ITGA8: variants seen among roughly 807,000 people sequenced by gnomAD.
ITGA8 encodes the protein integrin alpha-8.
A neutral mutation model predicts 142.3 loss-of-function variants in ITGA8; 91 were observed. That is an observed-to-expected ratio of 0.64 (90% CI 0.54 to 0.76). The LOEUF (loss-of-function observed/expected upper bound fraction) is 0.76, where lower values mean the gene tolerates loss of function less well. ITGA8 is among the 30% of genes least tolerant of loss of function. The probability of loss-of-function intolerance (pLI) is 0.00; values close to 1 mark genes in which losing one functional copy is unlikely to be tolerated. For synonymous variants in ITGA8, 505 were observed against 485.2 expected (o/e 1.04, Z -0.54); for missense variants, 1,406 against 1,327.7 (o/e 1.06, Z -0.92).
chr10:15,668,322 T>C (rs1834437438), intron 8 of ITGA8, among the ~76,000 whole-genome samples: 1 of 152,018 alleles, frequency 6.6e-6, no homozygotes, highest in Non-Finnish European at 1.5e-5. Context: ...GTCTGTTTTA[T>C]CAGAGACTAG....
At chr10:15,683,264 T>TCCAC (rs1223920401) in intron 4 of ITGA8, among the ~76,000 whole-genome samples, 4 of 111,258 alleles carry the variant, frequency 3.6e-5, no homozygotes, top group Admixed American at 1.2e-4. Context: ...AGTAGATGAA[T>TCCAC]CCACCCATCC....
At chr10:15,655,255 G>T in intron 11 of ITGA8, 99 bp downstream of exon 11, 2 of 769,634 alleles carry the variant, frequency 2.6e-6, no homozygotes, top group African/African-American at 1.8e-5. Context: ...CCTCTATCTT[G>T]TTGAGGCAAT....
At chr10:15,535,353 C>T (rs1833406863) in intron 27 of ITGA8, among the ~76,000 whole-genome samples, 3 of 152,236 alleles carry the variant, frequency 2.0e-5, no homozygotes, top group Admixed American at 2.0e-4. Context: ...GGCAGCTCCA[C>T]CTGCGGCGCC....
At chr10:15,565,692 C>A (rs145861465) in intron 25 of ITGA8, among the ~76,000 whole-genome samples, 1,777 of 142,250 alleles carry the variant, frequency 0.012, 34 homozygotes, top group African/African-American at 0.044. Flanking sequence ...CGGGTTCAAG[C>A]GATTCTCCTG....
chr10:15,520,677 T>C (rs1833047304), intron 28 of ITGA8, among the ~76,000 whole-genome samples: 1 of 152,238 alleles, frequency 6.6e-6, no homozygotes, highest in Non-Finnish European at 1.5e-5. Flanking sequence ...TAAAACCTTT[T>C]GTCAAAGAAA....
chr10:15,671,197 C>T (rs2039909), intron 8 of ITGA8, among the ~76,000 whole-genome samples: 1 of 151,798 alleles, frequency 6.6e-6, no homozygotes, highest in African/African-American at 2.4e-5. Flanking sequence ...GAGGAAAAAG[C>T]AAGTAAGGTT....
At chr10:15,697,955 G>A (rs1031556206) in intron 2 of ITGA8, among the ~76,000 whole-genome samples, 2 of 151,982 alleles carry the variant, frequency 1.3e-5, no homozygotes, top group African/African-American at 4.8e-5. Context: ...GTGGTGTTTG[G>A]TTACATGAGT....
At chr10:15,672,061 C>T (rs548179089) in intron 7 of ITGA8, among the ~76,000 whole-genome samples, 32 of 152,124 alleles carry the variant, frequency 2.1e-4, no homozygotes, top group Non-Finnish European at 3.5e-4. Context: ...TTTCTGGTCA[C>T]CAGTAAGACC....
chr10:15,675,337 C>T (rs1679812542), intron 6 of ITGA8, among the ~76,000 whole-genome samples: 1 of 152,164 alleles, frequency 6.6e-6, no homozygotes, highest in African/African-American at 2.4e-5. Flanking sequence ...CAGTGAGCGG[C>T]ACCCACCTAC....
intron 20 of ITGA8, among the ~76,000 whole-genome samples, chr10:15,599,475 G>C (rs1018080203): frequency 6.6e-6 from 1 of 152,172 alleles, no homozygotes; most frequent in African/African-American, 2.4e-5. Context: ...AACAGCAGTG[G>C]AAACACACAA....
intron 6 of ITGA8, among the ~76,000 whole-genome samples, chr10:15,673,689 C>G (rs747828214): frequency 2.8e-4 from 42 of 152,300 alleles, no homozygotes; most frequent in Non-Finnish European, 4.4e-4. Flanking sequence ...TTTGAGCCAT[C>G]TGCTTTTCTT....
chr10:15,632,873 GA>G (rs549262748), intron 13 of ITGA8, among the ~76,000 whole-genome samples: 1 of 151,398 alleles, frequency 6.6e-6, no homozygotes, highest in Admixed American at 6.5e-5. Flanking sequence ...TCTTATGAAG[GA>G]TGGGAGGCTG....
At chr10:15,556,764 GC>G (rs1833895862) in intron 26 of ITGA8, among the ~76,000 whole-genome samples, 1 of 152,238 alleles carries the variant, frequency 6.6e-6, no homozygotes, top group African/African-American at 2.4e-5. Context: ...GTTGACTATA[GC>G]CACTCTGTTG....
intron 13 of ITGA8, among the ~76,000 whole-genome samples, chr10:15,625,886 T>C (rs1053425770): frequency 6.6e-6 from 1 of 152,192 alleles, no homozygotes; most frequent in Non-Finnish European, 1.5e-5. Flanking sequence ...GAGCAGCCTA[T>C]AAAATCGAGC....
At position 15,604,500 on chromosome 10, in the gene ITGA8, G is replaced by A. The variant is rs1833158342; in HGVS notation, c.1971-145C>T. 12 of 539,950 alleles carry A rather than the reference G, an allele frequency of 2.2e-5. No individual in the cohort carries two copies. In the East Asian group the frequency reaches 3.5e-4, roughly 16 times the overall value. 33.4% of individuals were successfully genotyped at this position (539,950 alleles called of 1,614,324 possible). On this transcript the variant is annotated intron_variant, in intron 19 of 29. Transcript: ENST00000378076. ...CCATCATGAAGAGATGGTAGGAAGA[G>A]GCAAGAGAATCATCTCTGGGTAAAA...
At chr10:15,644,889 C>G (rs909454598) in intron 12 of ITGA8, among the ~76,000 whole-genome samples, 3 of 151,362 alleles carry the variant, frequency 2.0e-5, no homozygotes, top group African/African-American at 7.3e-5. Context: ...GTCAGGAGAT[C>G]GAGACCATCC....
rs569981483 is a variant in ITGA8 at position 15,653,353 on chromosome 10, T to G, written c.1001+2001A>C. Among the ~76,000 whole-genome samples, 753 of 152,330 alleles carry G rather than the reference T, an allele frequency of 4.9e-3. 22 individuals carry two copies. The highest frequency in any genetic ancestry group is 0.043 in the Admixed American group (657 of 15,292). On this transcript the variant is annotated intron_variant, in intron 11 of 29. Transcript: ENST00000378076. The stretch of plus-strand genomic sequence containing the variant: ...CAAGTTTAATTAATAGACTTTTTTT[T>G]TAGAGCAGTTTTAGATTGTTTAGAT...
At chr10:15,577,146 CTT>C (rs2131584786) in intron 23 of ITGA8, among the ~76,000 whole-genome samples, 1 of 152,212 alleles carries the variant, frequency 6.6e-6, no homozygotes, top group East Asian at 1.9e-4. Context: ...TCTAGGGAAA[CTT>C]TTATTTATTT....
At chr10:15,611,265 G>A (rs76162479) in intron 15 of ITGA8, among the ~76,000 whole-genome samples, 1 of 152,112 alleles carries the variant, frequency 6.6e-6, no homozygotes, top group African/African-American at 2.4e-5. Flanking sequence ...TGTCTTCTGA[G>A]GCTCTGAGGC....
Sources: allele counts gnomAD v4.1 joint callset (sites outside exome capture counted in the v4.1 genomes callset), GRCh38; gene constraint gnomAD v4.1.1; transcripts MANE v1.5; gene names NCBI Gene and HGNC (gene_info 2026-07-23, HGNC 2026-07-21).